PLXDC2: variants seen among roughly 807,000 people sequenced by gnomAD.
The protein encoded by PLXDC2 is plexin domain-containing protein 2.
PLXDC2 carries 40 observed loss-of-function variants against 68.9 expected under a neutral mutation model. That is an observed-to-expected ratio of 0.58 (90% CI 0.45 to 0.76). The LOEUF is 0.76. Ranked by LOEUF, PLXDC2 falls within the 30% of genes least tolerant of loss-of-function variation. The pLI, the probability that PLXDC2 is intolerant of heterozygous loss-of-function variation, is 0.00. For missense variants in PLXDC2, 644 were observed against 661.9 expected, an observed-to-expected ratio of 0.97 and a Z score of 0.30; for synonymous variants, 243 against 234.2, an observed-to-expected ratio of 1.04 and a Z score of -0.34.
At chr10:19,818,248 G>GTGTT (rs1836394596) in intron 1 of PLXDC2, among the ~76,000 whole-genome samples, 1 of 150,960 alleles carries the variant, frequency 6.6e-6, no homozygotes, top group Admixed American at 6.6e-5. Context: ...GTGTGTGTGT[G>GTGTT]TGTGTGTGTG....
At chr10:19,884,688 A>C in intron 1 of PLXDC2, among the ~76,000 whole-genome samples, 1 of 152,150 alleles carries the variant, frequency 6.6e-6, no homozygotes, top group Non-Finnish European at 1.5e-5. Context: ...TGAACTCATC[A>C]TTTTTATGGC....
intron 1 of PLXDC2, among the ~76,000 whole-genome samples, chr10:19,977,210 T>G (rs1293050584): frequency 6.6e-6 from 1 of 152,196 alleles, no homozygotes; most frequent in Admixed American, 6.5e-5. Flanking sequence ...TCCAACCAGG[T>G]CTTTTTATCG....
At chr10:20,210,739 G>A (rs1373371358) in intron 9 of PLXDC2, among the ~76,000 whole-genome samples, 1 of 152,154 alleles carries the variant, frequency 6.6e-6, no homozygotes, top group Non-Finnish European at 1.5e-5. Context: ...ACGTAGAGTG[G>A]AATCCAGGAG....
At chr10:19,877,290 A>G (rs1468931816) in intron 1 of PLXDC2, among the ~76,000 whole-genome samples, 1 of 152,118 alleles carries the variant, frequency 6.6e-6, no homozygotes, top group East Asian at 1.9e-4. Context: ...ACTGTAGCAA[A>G]CTGGGACTTG....
chr10:20,144,186 T>C (rs1396759913), intron 5 of PLXDC2, among the ~76,000 whole-genome samples: 1 of 152,136 alleles, frequency 6.6e-6, no homozygotes, highest in East Asian at 1.9e-4. Context: ...TTCTGTGTAT[T>C]TATCATTCAA....
chr10:20,054,377 A>G (rs754917275), intron 3 of PLXDC2, among the ~76,000 whole-genome samples: 1 of 152,012 alleles, frequency 6.6e-6, no homozygotes, highest in Non-Finnish European at 1.5e-5. Context: ...TCAGATCAAT[A>G]AATTTGTAGA....
intron 12 of PLXDC2, among the ~76,000 whole-genome samples, chr10:20,234,951 A>G (rs939688822): frequency 6.6e-6 from 1 of 152,206 alleles, no homozygotes; most frequent in African/African-American, 2.4e-5. Context: ...TTCAAGCACC[A>G]AAGAACTTGA....
chr10:19,984,353 C>G (rs899700851), intron 1 of PLXDC2, among the ~76,000 whole-genome samples: 1 of 152,146 alleles, frequency 6.6e-6, no homozygotes, highest in African/African-American at 2.4e-5. Context: ...TCTGAAGACC[C>G]AGGCTCAGGT....
intron 1 of PLXDC2, among the ~76,000 whole-genome samples, chr10:19,900,116 C>T (rs2094987162): frequency 6.6e-6 from 1 of 152,150 alleles, no homozygotes; most frequent in Non-Finnish European, 1.5e-5. Flanking sequence ...AGGCACATAG[C>T]CAGTGAGATT....
Position 20,064,546 on chromosome 10 carries a change from T to C in PLXDC2, c.472-3624T>C, listed in dbSNP as rs538717449. ...ATGCCCAGGGTTCTGTTAGCCTTTT[T>C]GGTTGCAGAAGAGTCCTTTGTTTTA... is the stretch of plus-strand genomic sequence containing the variant. On this transcript the variant is annotated intron_variant, in intron 3 of 13. Transcript: ENST00000377252. Among the ~76,000 whole-genome samples the C allele has an allele frequency of 3.1e-4, 47 of 152,310 alleles. No individual in the cohort carries two copies. The South Asian group carries it at 9.8e-3, about 32-fold the overall frequency.
chr10:19,827,787 G>T (rs546024076), intron 1 of PLXDC2, among the ~76,000 whole-genome samples: 2 of 152,200 alleles, frequency 1.3e-5, no homozygotes, highest in East Asian at 1.9e-4. Flanking sequence ...TCCAACTCCT[G>T]ACCTCAAGTG....
chr10:20,207,791 C>A (rs900200791), intron 9 of PLXDC2, among the ~76,000 whole-genome samples: 3 of 152,072 alleles, frequency 2.0e-5, no homozygotes, highest in African/African-American at 4.8e-5. Context: ...GATGTTTACT[C>A]CACACTTAAG....
intron 1 of PLXDC2, among the ~76,000 whole-genome samples, chr10:19,858,436 G>C (rs1837256320): frequency 6.6e-6 from 1 of 152,164 alleles, no homozygotes; most frequent in Non-Finnish European, 1.5e-5. Flanking sequence ...AAGAATTCTT[G>C]AAATCATTCT....
At chr10:20,084,108 T>G (rs1300854160) in intron 4 of PLXDC2, among the ~76,000 whole-genome samples, 1 of 152,132 alleles carries the variant, frequency 6.6e-6, no homozygotes, top group Non-Finnish European at 1.5e-5. Flanking sequence ...TCTTACAGAT[T>G]TGGCAGCAAG....
intron 4 of PLXDC2, among the ~76,000 whole-genome samples, chr10:20,126,246 T>A (rs1833775020): frequency 6.8e-6 from 1 of 147,084 alleles, no homozygotes; most frequent in African/African-American, 2.5e-5. Flanking sequence ...GTATAATACA[T>A]ATATACATAT....
intron 7 of PLXDC2, 65 bp downstream of exon 7, chr10:20,164,632 T>A (rs974832404): frequency 1.6e-6 from 2 of 1,231,864 alleles, no homozygotes; most frequent in Non-Finnish European, 2.4e-6. Context: ...AGGAGATTGG[T>A]CTATGGCAGC....
intron 13 of PLXDC2, among the ~76,000 whole-genome samples, chr10:20,247,793 A>T (rs1255548120): frequency 1.3e-5 from 2 of 152,220 alleles, no homozygotes; most frequent in African/African-American, 2.4e-5. Flanking sequence ...TATTTCCTGG[A>T]AAAACGTTCA....
chr10:20,040,128 G>A (rs1835656474), intron 2 of PLXDC2, among the ~76,000 whole-genome samples: 1 of 152,112 alleles, frequency 6.6e-6, no homozygotes, highest in Admixed American at 6.5e-5. Flanking sequence ...GGAATAAGCA[G>A]AAATCAGCTC....
At chr10:20,177,285 T>C in intron 8 of PLXDC2, 43 bp from the exon 9 acceptor site, 1 of 1,482,644 alleles carries the variant, frequency 6.7e-7, no homozygotes, top group Non-Finnish European at 9.4e-7. Context: ...CCCCTCCAAG[T>C]TGCCTGTTAG....
Sources: allele counts gnomAD v4.1 joint callset (sites outside exome capture counted in the v4.1 genomes callset), GRCh38; gene constraint gnomAD v4.1.1; transcripts MANE v1.5; gene names NCBI Gene and HGNC (gene_info 2026-07-23, HGNC 2026-07-21).